ZNF827: variants seen among roughly 807,000 people sequenced by gnomAD.
ZNF827 encodes the protein zinc finger protein 827.
In ZNF827, 13 loss-of-function variants were observed where a neutral mutation model predicts 102.4. The ratio of observed to expected loss-of-function variants is 0.13; its 90% CI spans 0.08 to 0.20. ZNF827 has a LOEUF of 0.20. Ranked by LOEUF, ZNF827 falls within the 10% of genes least tolerant of loss-of-function variation. ZNF827 has a pLI of 1.00. For synonymous variants in ZNF827, 523 were observed against 536.2 expected (o/e 0.98, Z 0.34); for missense variants, 1,103 against 1,344.4 (o/e 0.82, Z 2.81).
intron 13 of ZNF827, chr4:145,764,712 T>G: frequency 1.5e-5 from 7 of 459,814 alleles, no homozygotes; most frequent in Non-Finnish European, 2.4e-5. Flanking sequence ...GTGTAGTCTA[T>G]TCTTGCATGC....
At chr4:145,790,455 A>C (rs1739511489) in intron 8 of ZNF827, among the ~76,000 whole-genome samples, 1 of 152,186 alleles carries the variant, frequency 6.6e-6, no homozygotes, top group Non-Finnish European at 1.5e-5. Flanking sequence ...AAAATACTAA[A>C]ATTTTAATGT....
chr4:145,930,525 T>C (rs1342863325), intron 1 of ZNF827, among the ~76,000 whole-genome samples: 1 of 152,252 alleles, frequency 6.6e-6, no homozygotes, highest in Admixed American at 6.5e-5. Context: ...TCCATGCATT[T>C]CTTCCTTGCT....
chr4:145,893,360 T>C (rs1750751589), intron 2 of ZNF827, among the ~76,000 whole-genome samples: 1 of 152,356 alleles, frequency 6.6e-6, no homozygotes, highest in East Asian at 1.9e-4. Context: ...CTTAGACATT[T>C]CTTTCTTAAT....
Position 145,763,425 on chromosome 4 carries a change from A to G in ZNF827, c.3231-303T>C, listed in dbSNP as rs1277061752. Reference sequence around the variant, plus strand: ...ACTGTATAGCCAGAAGGCATTATCAATTTTTTCAAAGTATTCTTCTACTTG... The same window carrying G: ...ACTGTATAGCCAGAAGGCATTATCAGTTTTTTCAAAGTATTCTTCTACTTG... On this transcript the variant is annotated intron_variant, in intron 13 of 14. Transcript: ENST00000508784. The surrounding 1 kb of genome is among the most constrained non-coding windows in gnomAD (Gnocchi z 4.6). Among the ~76,000 whole-genome samples, 2 of 152,350 alleles carry G rather than the reference A, an allele frequency of 1.3e-5. No individual in the cohort carries two copies. Among genetic ancestry groups the G allele is most frequent in the Middle Eastern group, 3.4e-3 (1 of 294 alleles).
At chr4:145,774,803 A>G in intron 10 of ZNF827, 131 bp from the exon 11 acceptor site, 2 of 1,080,448 alleles carry the variant, frequency 1.9e-6, no homozygotes, top group South Asian at 3.3e-5. Flanking sequence ...CTCCACCAAA[A>G]GGTTTTGCAT....
intron 7 of ZNF827, among the ~76,000 whole-genome samples, chr4:145,841,930 A>C (rs1434400794): frequency 1.3e-5 from 2 of 152,082 alleles, no homozygotes; most frequent in African/African-American, 4.8e-5. Flanking sequence ...AAAAAAAAAA[A>C]CAAAACAAAA....
At chr4:145,900,645 G>A (rs1187238453) in intron 2 of ZNF827, among the ~76,000 whole-genome samples, 1 of 151,986 alleles carries the variant, frequency 6.6e-6, no homozygotes, top group African/African-American at 2.4e-5. Context: ...CCTGACCTCA[G>A]GTGACCCACC....
intron 8 of ZNF827, among the ~76,000 whole-genome samples, chr4:145,820,258 A>G (rs1743017701): frequency 6.6e-6 from 1 of 152,144 alleles, no homozygotes; most frequent in Non-Finnish European, 1.5e-5. Context: ...ATAACTATAT[A>G]CCAATGTTGT....
intron 11 of ZNF827, among the ~76,000 whole-genome samples, chr4:145,773,429 C>T (rs1046103922): frequency 1.3e-5 from 2 of 152,210 alleles, no homozygotes; most frequent in African/African-American, 2.4e-5. Context: ...CTGTGTACAT[C>T]GTCAGCACAA....
chr4:145,786,988 C>G (rs1242086850), intron 8 of ZNF827, among the ~76,000 whole-genome samples: 3 of 152,130 alleles, frequency 2.0e-5, no homozygotes, highest in African/African-American at 7.2e-5. Context: ...ACTGGTGACC[C>G]TGCACAAGAT....
At chr4:145,846,059 C>T in intron 6 of ZNF827, 46 bp from the exon 7 acceptor site, 3 of 1,591,500 alleles carry the variant, frequency 1.9e-6, no homozygotes, top group Non-Finnish European at 2.6e-6. Flanking sequence ...GTTGTTCTCA[C>T]TCAACTTGCA....
intron 7 of ZNF827, chr4:145,830,985 G>A (rs1744153028): frequency 6.6e-6 from 1 of 152,212 alleles, no homozygotes; most frequent in Admixed American, 6.5e-5. Context: ...AGGGCCAGTT[G>A]TCTTACTAAC....
intron 11 of ZNF827, among the ~76,000 whole-genome samples, chr4:145,773,262 C>CCT (rs1736557091): frequency 1.3e-5 from 2 of 152,336 alleles, no homozygotes; most frequent in Non-Finnish European, 2.9e-5. Context: ...TACAGTCAGA[C>CCT]AACTGACTGT....
chr4:145,825,815 C>T (rs757074212), intron 7 of ZNF827, among the ~76,000 whole-genome samples: 14 of 152,040 alleles, frequency 9.2e-5, no homozygotes, highest in Non-Finnish European at 1.3e-4. Context: ...AGACAATCAC[C>T]GAGGGAAACA....
At chr4:145,863,717 G>T (rs78109951) in intron 5 of ZNF827, among the ~76,000 whole-genome samples, 46 of 147,208 alleles carry the variant, frequency 3.1e-4, no homozygotes, top group African/African-American at 1.0e-3. Context: ...ATGGTTGCCT[G>T]GGTGGGGGGT....
At chr4:145,791,911 T>C (rs1317876817) in intron 8 of ZNF827, among the ~76,000 whole-genome samples, 1 of 152,222 alleles carries the variant, frequency 6.6e-6, no homozygotes, top group African/African-American at 2.4e-5. Context: ...CAGCCAGGAT[T>C]AAACCCAGGA....
At chr4:145,831,784 A>G (rs1386793159) in intron 7 of ZNF827, 1 of 152,240 alleles carries the variant, frequency 6.6e-6, no homozygotes, top group Admixed American at 6.5e-5. Context: ...CAGGAGGAAA[A>G]AGGACGGGTA....
At chr4:145,859,759 G>A (rs114724733) in intron 5 of ZNF827, among the ~76,000 whole-genome samples, 4 of 152,262 alleles carry the variant, frequency 2.6e-5, no homozygotes, top group East Asian at 1.9e-4. Context: ...GGAAGAGGAC[G>A]CAACCCTTAC....
At chr4:145,797,982 A>G (rs913613781) in intron 8 of ZNF827, among the ~76,000 whole-genome samples, 6 of 152,216 alleles carry the variant, frequency 3.9e-5, no homozygotes, top group East Asian at 1.9e-4. Flanking sequence ...ATGAGTCACC[A>G]TCATTCTCCC....
Sources: allele counts gnomAD v4.1 joint callset (sites outside exome capture counted in the v4.1 genomes callset), GRCh38; gene constraint gnomAD v4.1.1; non-coding constraint Gnocchi (gnomAD v3.1); transcripts MANE v1.5; gene names NCBI Gene and HGNC (gene_info 2026-07-23, HGNC 2026-07-21).